Variants in SLC8A1 observed in about 807,000 individuals in gnomAD.
The protein encoded by SLC8A1 is sodium/calcium exchanger 1.
A neutral mutation model predicts 68.3 loss-of-function variants in SLC8A1; 18 were observed. The ratio of observed to expected loss-of-function variants is 0.26; its 90% CI spans 0.18 to 0.39. The LOEUF (loss-of-function observed/expected upper bound fraction) is 0.39. Ranked by LOEUF, SLC8A1 falls within the 10% of genes least tolerant of loss-of-function variation. The probability of loss-of-function intolerance (pLI) is 1.00; values close to 1 mark genes in which losing one functional copy is unlikely to be tolerated. For missense variants in SLC8A1, 985 were observed against 1,156.7 expected (o/e 0.85, Z 2.15); for synonymous variants, 475 against 415.5 (o/e 1.14, Z -1.74).
Position 40,271,246 on chromosome 2 carries a change from C to T in SLC8A1, c.1809-93391G>A, listed in dbSNP as rs554243160. 2.0e-4 allele frequency among the ~76,000 whole-genome samples: 30 copies of T among 151,946 alleles called. No homozygotes were observed. In the South Asian group the frequency reaches 6.0e-3, roughly 31 times the overall value. Reference sequence around the variant, plus strand: ...CTCTCACGTCCCCTCCCACTCCTCTCCCACCTCCCCTCCCACTCCTCTCCC... The same window carrying T: ...CTCTCACGTCCCCTCCCACTCCTCTTCCACCTCCCCTCCCACTCCTCTCCC... On this transcript the variant is annotated intron_variant, in intron 2 of 7. Coordinates refer to ENST00000406785, the Ensembl canonical transcript of SLC8A1.
chr2:40,413,499 T>TTAAATAG (rs1368096794), intron 2 of SLC8A1, among the ~76,000 whole-genome samples: 2 of 152,206 alleles, frequency 1.3e-5, no homozygotes, highest in Non-Finnish European at 2.9e-5. Flanking sequence ...TAAAATGATC[T>TTAAATAG]ATTTAAGAAT....
chr2:40,156,311 CT>C (rs1558556251), intron 6 of SLC8A1, among the ~76,000 whole-genome samples: 1 of 150,542 alleles, frequency 6.6e-6, no homozygotes, highest in African/African-American at 2.4e-5. Flanking sequence ...GTGTTAAATT[CT>C]TTGCCAAGAT....
At chr2:40,236,392 G>A (rs1365830769) in intron 2 of SLC8A1, among the ~76,000 whole-genome samples, 5 of 152,156 alleles carry the variant, frequency 3.3e-5, no homozygotes, top group South Asian at 2.1e-4. Context: ...GTTGGTTTAA[G>A]GTCTGTTTTA....
At chr2:40,254,387 G>GTAAATCATGCTTTTTTGTTTTT (rs2063526035) in intron 2 of SLC8A1, 2 of 140,610 alleles carry the variant, frequency 1.4e-5, no homozygotes, top group South Asian at 4.6e-4. Context: ...CTCTTAAGTT[G>GTAAATCATGCTTTTTTGTTTTT]TAAATCATGC....
At chr2:40,241,541 A>G (rs911416291) in intron 2 of SLC8A1, among the ~76,000 whole-genome samples, 2 of 152,228 alleles carry the variant, frequency 1.3e-5, no homozygotes, top group Non-Finnish European at 2.9e-5. Context: ...TGAGTAAAGT[A>G]CCTGATATGT....
intron 1 of SLC8A1, among the ~76,000 whole-genome samples, chr2:40,479,108 A>C (rs1156735985): frequency 6.6e-6 from 1 of 152,200 alleles, no homozygotes; most frequent in African/African-American, 2.4e-5. Context: ...AGAACGTATA[A>C]ATTTCACCAA....
At chr2:40,327,755 A>G (rs2075994554) in intron 2 of SLC8A1, among the ~76,000 whole-genome samples, 1 of 152,260 alleles carries the variant, frequency 6.6e-6, no homozygotes, top group Middle Eastern at 3.4e-3. Context: ...GGGGACTCCA[A>G]AAGGAGGGAG....
chr2:40,281,602 C>A (rs1003742690), intron 2 of SLC8A1, among the ~76,000 whole-genome samples: 5 of 152,128 alleles, frequency 3.3e-5, no homozygotes, highest in Non-Finnish European at 7.3e-5. Context: ...GGGGCCTTGG[C>A]AAGTCTAATG....
At chr2:40,360,356 A>G (rs1266852526) in intron 2 of SLC8A1, among the ~76,000 whole-genome samples, 1 of 152,320 alleles carries the variant, frequency 6.6e-6, no homozygotes, top group East Asian at 1.9e-4. Flanking sequence ...GATAGCAAGT[A>G]CATTTAAGTT....
chr2:40,289,862 A>AAAATTAAATTAAATTAAATT (rs201875232), intron 2 of SLC8A1, among the ~76,000 whole-genome samples: 53 of 151,836 alleles, frequency 3.5e-4, no homozygotes, highest in African/African-American at 1.1e-3. Flanking sequence ...CTCAGTCTCA[A>AAAATTAAATTAAATTAAATT]AAATTAAATT....
chr2:40,261,239 A>G (rs116280512), intron 2 of SLC8A1, among the ~76,000 whole-genome samples: 3,589 of 152,296 alleles, frequency 0.024, 155 homozygotes, highest in African/African-American at 0.081. Context: ...AGTCTCTTCC[A>G]TAAGAAACTG....
At chr2:40,229,422 CTGTT>C (rs1393999311) in intron 2 of SLC8A1, among the ~76,000 whole-genome samples, 7 of 152,044 alleles carry the variant, frequency 4.6e-5, no homozygotes, top group African/African-American at 1.7e-4. Flanking sequence ...TAAAAAAAAT[CTGTT>C]GTTAGAGAAT....
chr2:40,498,512 C>A (rs1318314226), intron 1 of SLC8A1, among the ~76,000 whole-genome samples: 1 of 152,042 alleles, frequency 6.6e-6, no homozygotes, highest in Non-Finnish European at 1.5e-5. Flanking sequence ...ACCTATCAGA[C>A]AGATAAATGC....
At chr2:40,227,562 T>G (rs1558845456) in intron 2 of SLC8A1, among the ~76,000 whole-genome samples, 2 of 152,072 alleles carry the variant, frequency 1.3e-5, no homozygotes, top group South Asian at 4.2e-4. Context: ...TGGGGTCTTT[T>G]GGAGGGTGGG....
intron 7 of SLC8A1, among the ~76,000 whole-genome samples, chr2:40,115,872 G>T (rs1376219914): frequency 3.3e-5 from 5 of 152,180 alleles, no homozygotes; most frequent in African/African-American, 9.7e-5. Context: ...GTCAAGTTTT[G>T]TATCCACAGA....
intron 2 of SLC8A1, among the ~76,000 whole-genome samples, chr2:40,323,723 C>T (rs907721039): frequency 1.1e-4 from 16 of 152,154 alleles, no homozygotes; most frequent in African/African-American, 3.6e-4. Flanking sequence ...CCCTCCTACC[C>T]AAACGGCTTC....
At chr2:40,211,438 T>C (rs769443807) in intron 2 of SLC8A1, among the ~76,000 whole-genome samples, 21 of 152,266 alleles carry the variant, frequency 1.4e-4, no homozygotes, top group Non-Finnish European at 2.4e-4. Context: ...AAGGTATAGA[T>C]GGGAAAGTCA....
At chr2:40,253,149 ACATACATATAT>A (rs2063228767) in intron 2 of SLC8A1, among the ~76,000 whole-genome samples, 1 of 105,934 alleles carries the variant, frequency 9.4e-6, no homozygotes, top group Non-Finnish European at 2.0e-5. Context: ...ATATGTATAT[ACATACATATAT>A]ATGTATATAC....
At chr2:40,109,691 C>G (rs547636708) in exon 8 of SLC8A1, 1 of 152,104 alleles carries the variant, frequency 6.6e-6, no homozygotes, top group African/African-American at 2.4e-5. Flanking sequence ...GGAGTAGTCA[C>G]CGAAGAACTG....
Sources: allele counts gnomAD v4.1 joint callset (sites outside exome capture counted in the v4.1 genomes callset), GRCh38; gene constraint gnomAD v4.1.1; transcripts MANE v1.5; gene names NCBI Gene and HGNC (gene_info 2026-07-23, HGNC 2026-07-21).